CTNND2: variants seen among roughly 807,000 people sequenced by gnomAD.
The protein encoded by CTNND2 is catenin delta-2.
In CTNND2, 22 loss-of-function variants were observed where a neutral mutation model predicts 144.4. That is an observed-to-expected ratio of 0.15 (90% CI 0.11 to 0.22). CTNND2 has a LOEUF of 0.22. Ranked by LOEUF, CTNND2 falls within the 10% of genes least tolerant of loss-of-function variation. The pLI is 1.00. For missense variants in CTNND2, 1,353 were observed against 1,618.8 expected, an observed-to-expected ratio of 0.84 and a Z score of 2.82; for synonymous variants, 751 against 695.6, an observed-to-expected ratio of 1.08 and a Z score of -1.25.
chr5:11,439,362 C>T lies in CTNND2; in HGVS notation c.288-27293G>A, dbSNP rs370563861. ...GTAGTGGCTGCAGAGGGTGGATCTT[C>T]GGTCCACTATTTGGCCAGAAATTCT... On this transcript the variant is annotated intron_variant, in intron 3 of 21. Coordinates refer to ENST00000304623, the MANE Select transcript of CTNND2 (RefSeq NM_001332.4). 4.3e-4 allele frequency among the ~76,000 whole-genome samples: 65 copies of T among 152,190 alleles called. 1 individual carries two copies. The South Asian group carries it at 6.2e-3, about 15-fold the overall frequency.
intron 16 of CTNND2, chr5:11,027,295 G>A (rs572962354): frequency 2.4e-4 from 37 of 152,250 alleles, no homozygotes; most frequent in African/African-American, 6.7e-4. Flanking sequence ...TTTGTGAGGC[G>A]TTCCATCTTT....
At chr5:11,658,286 C>T (rs1211198714) in intron 2 of CTNND2, among the ~76,000 whole-genome samples, 1 of 152,010 alleles carries the variant, frequency 6.6e-6, no homozygotes, top group African/African-American at 2.4e-5. Context: ...GCCTTCATTA[C>T]ATAAACCTCG....
At chr5:11,452,703 A>G (rs974591727) in intron 3 of CTNND2, among the ~76,000 whole-genome samples, 1 of 152,210 alleles carries the variant, frequency 6.6e-6, no homozygotes, top group Non-Finnish European at 1.5e-5. Flanking sequence ...TCTAATCTTT[A>G]CCCAGTAATT....
At chr5:11,607,528 T>C (rs1022113377) in intron 2 of CTNND2, among the ~76,000 whole-genome samples, 3 of 152,188 alleles carry the variant, frequency 2.0e-5, no homozygotes, top group Non-Finnish European at 4.4e-5. Flanking sequence ...CAAGCACAAA[T>C]TACTCAGAAG....
intron 7 of CTNND2, among the ~76,000 whole-genome samples, chr5:11,373,879 T>C (rs1757678471): frequency 6.6e-6 from 1 of 152,188 alleles, no homozygotes; most frequent in Admixed American, 6.5e-5. Flanking sequence ...CCTTTGAAAG[T>C]AGAGGCTGCT....
At chr5:11,471,479 TA>T (rs554673529) in intron 3 of CTNND2, among the ~76,000 whole-genome samples, 1 of 152,138 alleles carries the variant, frequency 6.6e-6, no homozygotes, top group Non-Finnish European at 1.5e-5. Context: ...TTCCTACTTT[TA>T]AAAAAATCAC....
intron 12 of CTNND2, among the ~76,000 whole-genome samples, chr5:11,141,289 C>T (rs1412603765): frequency 6.6e-6 from 1 of 151,630 alleles, no homozygotes; most frequent in African/African-American, 2.4e-5. Context: ...CATATAAGAC[C>T]GTCATTTTTT....
chr5:11,620,670 G>T (rs1025242562), intron 2 of CTNND2, among the ~76,000 whole-genome samples: 1 of 152,102 alleles, frequency 6.6e-6, no homozygotes, highest in African/African-American at 2.4e-5. Context: ...GTCTCACAAT[G>T]CCTGAGTTAT....
intron 1 of CTNND2, among the ~76,000 whole-genome samples, chr5:11,856,534 A>G (rs1795258520): frequency 6.6e-6 from 1 of 152,198 alleles, no homozygotes; most frequent in South Asian, 2.1e-4. Context: ...AACAGGAAGA[A>G]AAGGTAACTG....
chr5:11,167,961 C>T (rs2149782145), intron 11 of CTNND2, among the ~76,000 whole-genome samples: 1 of 152,050 alleles, frequency 6.6e-6, no homozygotes, highest in South Asian at 2.1e-4. Context: ...CCGCCTCAGC[C>T]TCCCAAAGTG....
At chr5:11,788,361 A>G (rs967815134) in intron 1 of CTNND2, among the ~76,000 whole-genome samples, 1 of 152,192 alleles carries the variant, frequency 6.6e-6, no homozygotes, top group African/African-American at 2.4e-5. Flanking sequence ...TCCAGCAAAG[A>G]GCAAGTATCA....
chr5:11,274,690 T>A (rs1746351680), intron 9 of CTNND2, among the ~76,000 whole-genome samples: 1 of 152,126 alleles, frequency 6.6e-6, no homozygotes. Context: ...GTCTAACAAT[T>A]AATTATCTTC....
At chr5:11,637,050 T>C (rs1202362326) in intron 2 of CTNND2, among the ~76,000 whole-genome samples, 1 of 152,210 alleles carries the variant, frequency 6.6e-6, no homozygotes, top group African/African-American at 2.4e-5. Context: ...AATTTCAGAA[T>C]GGCAATTATA....
At chr5:11,737,897 T>C (rs1422257886) in intron 1 of CTNND2, among the ~76,000 whole-genome samples, 1 of 152,250 alleles carries the variant, frequency 6.6e-6, no homozygotes, top group African/African-American at 2.4e-5. Context: ...GGTGGCCTAC[T>C]GGCACCTTGA....
intron 9 of CTNND2, among the ~76,000 whole-genome samples, chr5:11,327,033 C>T (rs1018281432): frequency 2.0e-5 from 3 of 152,168 alleles, no homozygotes; most frequent in Non-Finnish European, 2.9e-5. Flanking sequence ...ACACAAGGCA[C>T]CATCCGATTC....
At chr5:11,151,141 C>T (rs1261940372) in intron 12 of CTNND2, among the ~76,000 whole-genome samples, 2 of 152,162 alleles carry the variant, frequency 1.3e-5, no homozygotes, top group Non-Finnish European at 2.9e-5. Context: ...TCAAATAATG[C>T]CACTTTGAAA....
intron 16 of CTNND2, among the ~76,000 whole-genome samples, chr5:11,052,861 A>T (rs1015452761): frequency 3.9e-5 from 6 of 152,076 alleles, no homozygotes; most frequent in African/African-American, 1.4e-4. Context: ...AAATTACCGA[A>T]TAACACTTCG....
At chr5:11,823,625 A>G (rs779879621) in intron 1 of CTNND2, among the ~76,000 whole-genome samples, 2 of 152,134 alleles carry the variant, frequency 1.3e-5, no homozygotes, top group Non-Finnish European at 2.9e-5. Flanking sequence ...TTTTTATATA[A>G]TATTTTATAA....
intron 3 of CTNND2, among the ~76,000 whole-genome samples, chr5:11,551,512 C>T (rs1218913653): frequency 6.8e-6 from 1 of 146,416 alleles, no homozygotes; most frequent in Non-Finnish European, 1.5e-5. Flanking sequence ...TTATGGCTCA[C>T]TGCAACCTCT....
Sources: allele counts gnomAD v4.1 joint callset (sites outside exome capture counted in the v4.1 genomes callset), GRCh38; gene constraint gnomAD v4.1.1; transcripts MANE v1.5; gene names NCBI Gene and HGNC (gene_info 2026-07-23, HGNC 2026-07-21).